PCDHA11: variants seen among roughly 807,000 people sequenced by gnomAD.
The protein encoded by PCDHA11 is protocadherin alpha-11.
PCDHA11 carries 61 observed loss-of-function variants against 70.3 expected under a neutral mutation model. The ratio of observed to expected loss-of-function variants is 0.87; its 90% CI spans 0.71 to 1.07. The LOEUF (loss-of-function observed/expected upper bound fraction) is 1.07. Ranked by LOEUF, PCDHA11 falls within the 50% of genes least tolerant of loss-of-function variation. The pLI is 0.00. For missense variants in PCDHA11, 1,324 were observed against 1,237.5 expected (o/e 1.07, Z -1.05); for synonymous variants, 633 against 555.1 (o/e 1.14, Z -1.97).
At chr5:140,908,706 T>C (rs2074108716) in intron 1 of PCDHA11, among the ~76,000 whole-genome samples, 1 of 152,132 alleles carries the variant, frequency 6.6e-6, no homozygotes, top group South Asian at 2.1e-4. Context: ...TCAAGCACCA[T>C]TGGATCTGCT....
rs1554253792 is a variant in PCDHA11 at position 140,993,501 on chromosome 5, C to CACAT, written c.2539+10941_2539+10942insTACA. ...ACACACACACACACACACACACACA[C>CACAT]ACACACACGGGGAGAGAGAGACAGA... is the stretch of plus-strand genomic sequence containing the variant. On this transcript the variant is annotated intron_variant, in intron 3 of 3. Transcript: ENST00000398640. Among the ~76,000 whole-genome samples, 4 of 149,100 alleles carry CACAT rather than the reference C, an allele frequency of 2.7e-5. No individual in the cohort carries two copies. In the East Asian group the frequency reaches 5.8e-4, roughly 22 times the overall value.
At chr5:140,891,428 C>G (rs2063097176) in intron 1 of PCDHA11, among the ~76,000 whole-genome samples, 1 of 149,620 alleles carries the variant, frequency 6.7e-6, no homozygotes, top group Admixed American at 6.7e-5. Flanking sequence ...CCCCAAGTCC[C>G]CAACGTCCAT....
At chr5:140,895,206 AT>A (rs2064913908) in intron 1 of PCDHA11, among the ~76,000 whole-genome samples, 1 of 151,808 alleles carries the variant, frequency 6.6e-6, no homozygotes, top group Non-Finnish European at 1.5e-5. Flanking sequence ...ATTTGCTTTT[AT>A]TTCTAATATT....
At chr5:140,890,767 T>A (rs1342716029) in intron 1 of PCDHA11, among the ~76,000 whole-genome samples, 3 of 152,210 alleles carry the variant, frequency 2.0e-5, no homozygotes, top group African/African-American at 7.2e-5. Context: ...AAAAATATTT[T>A]AAAACCCCAT....
chr5:140,901,690 T>C (rs566618023), intron 1 of PCDHA11, among the ~76,000 whole-genome samples: 22 of 152,340 alleles, frequency 1.4e-4, no homozygotes, highest in African/African-American at 5.3e-4. Flanking sequence ...ATGGGTATTT[T>C]GTAGTTCTAT....
At chr5:140,984,441 T>A (rs1554246265) in intron 3 of PCDHA11, among the ~76,000 whole-genome samples, 3 of 152,200 alleles carry the variant, frequency 2.0e-5, no homozygotes, top group Admixed American at 6.5e-5. Context: ...TCTCCCTTGT[T>A]CCCTTTCTTA....
At chr5:140,911,564 C>A (rs1036102678) in intron 1 of PCDHA11, among the ~76,000 whole-genome samples, 2 of 152,226 alleles carry the variant, frequency 1.3e-5, no homozygotes, top group African/African-American at 4.8e-5. Flanking sequence ...TCTTTCATCA[C>A]TTTGTCCAGT....
intron 1 of PCDHA11, chr5:140,967,709 G>T: frequency 6.2e-7 from 1 of 1,614,140 alleles, no homozygotes; most frequent in Non-Finnish European, 8.5e-7. Context: ...TGCCAGTACC[G>T]GGGAAGTGCG....
intron 1 of PCDHA11, among the ~76,000 whole-genome samples, chr5:140,885,351 G>T (rs2060569192): frequency 1.3e-5 from 2 of 152,052 alleles, no homozygotes; most frequent in Admixed American, 6.5e-5. Context: ...TTTCCAAAAG[G>T]TACTGGTGAC....
At chr5:140,994,515 C>T (rs1450335712) in intron 3 of PCDHA11, among the ~76,000 whole-genome samples, 1 of 150,120 alleles carries the variant, frequency 6.7e-6, no homozygotes, top group African/African-American at 2.5e-5. Flanking sequence ...ACAGCCTGGG[C>T]AACATGGCAA....
At chr5:140,975,823 G>A (rs1239122577) in intron 1 of PCDHA11, among the ~76,000 whole-genome samples, 2 of 152,164 alleles carry the variant, frequency 1.3e-5, no homozygotes, top group Non-Finnish European at 2.9e-5. Context: ...AGGAACTGAA[G>A]TGTATTCTTA....
chr5:140,962,068 G>C (rs2095654419), intron 1 of PCDHA11, among the ~76,000 whole-genome samples: 1 of 151,882 alleles, frequency 6.6e-6, no homozygotes, highest in African/African-American at 2.4e-5. Context: ...GTATTTTTTA[G>C]TAGAGACGGG....
At chr5:140,926,899 G>A (rs1554203765) in intron 1 of PCDHA11, 2 of 1,552,028 alleles carry the variant, frequency 1.3e-6, no homozygotes, top group Non-Finnish European at 1.7e-6. Context: ...GAGGATGGTG[G>A]GCTGTGGGGT....
chr5:140,963,977 C>A (rs1311264244), intron 1 of PCDHA11, among the ~76,000 whole-genome samples: 1 of 152,164 alleles, frequency 6.6e-6, no homozygotes, highest in Non-Finnish European at 1.5e-5. Flanking sequence ...ACTCCAAAGT[C>A]TATATTCCTA....
At chr5:140,893,880 G>T (rs1426434148) in intron 1 of PCDHA11, among the ~76,000 whole-genome samples, 1 of 152,090 alleles carries the variant, frequency 6.6e-6, no homozygotes, top group African/African-American at 2.4e-5. Flanking sequence ...ATCCAAAGTG[G>T]CCAGAAAGTT....
chr5:140,887,258 T>G (rs934733001), intron 1 of PCDHA11, among the ~76,000 whole-genome samples: 4 of 151,924 alleles, frequency 2.6e-5, no homozygotes, highest in East Asian at 1.9e-4. Context: ...CACCACGCCC[T>G]GCTAATTTTT....
chr5:140,976,353 C>T (rs1401617354), intron 1 of PCDHA11, among the ~76,000 whole-genome samples: 2 of 151,992 alleles, frequency 1.3e-5, no homozygotes, highest in African/African-American at 2.4e-5. Context: ...GTGTTCAAGA[C>T]CAGCCTGGCC....
At chr5:140,927,399 TC>T (rs781939330) in intron 1 of PCDHA11, 1 of 1,614,076 alleles carries the variant, frequency 6.2e-7, no homozygotes. Context: ...GTCAGCACTT[TC>T]GCCTGGACAT....
chr5:140,969,491 C>T (rs2096337176), intron 1 of PCDHA11: 8 of 1,449,294 alleles, frequency 5.5e-6, no homozygotes, highest in Non-Finnish European at 7.3e-6. Context: ...CTGCTATTTC[C>T]TCTCTAGAAA....
Sources: allele counts gnomAD v4.1 joint callset (sites outside exome capture counted in the v4.1 genomes callset), GRCh38; gene constraint gnomAD v4.1.1; transcripts MANE v1.5; gene names NCBI Gene and HGNC (gene_info 2026-07-23, HGNC 2026-07-21).